Variants in MMRN1 observed in about 807,000 individuals in gnomAD.
MMRN1 encodes multimerin 1, also known as multimerin-1.
Under a neutral mutation model 100.7 loss-of-function variants are expected in MMRN1, and 94 were observed. The observed-to-expected ratio is 0.93, with a 90% CI of 0.79 to 1.11. The LOEUF is 1.11. Among genes scored for constraint, MMRN1 ranks in the 50% least tolerant of loss-of-function variants. The pLI, the probability that MMRN1 is intolerant of heterozygous loss-of-function variation, is 0.00. For synonymous variants in MMRN1, 575 were observed against 505.0 expected (o/e 1.14, Z -1.86); for missense variants, 1,606 against 1,439.1 (o/e 1.12, Z -1.88).
chr4:89,923,101 C>T, intron 3 of MMRN1, 67 bp from the exon 4 acceptor site: 2 of 1,268,376 alleles, frequency 1.6e-6, no homozygotes, highest in Non-Finnish European at 2.3e-6. Context: ...AATTATTGTT[C>T]AGGACTGGAA....
chr4:89,930,418 G>A (rs1403095046), intron 5 of MMRN1, among the ~76,000 whole-genome samples: 1 of 151,944 alleles, frequency 6.6e-6, no homozygotes, highest in East Asian at 1.9e-4. Context: ...TTTGTGCTGA[G>A]TTTTTGCTTA....
At chr4:89,897,108 T>C (rs1022135992) in intron 1 of MMRN1, among the ~76,000 whole-genome samples, 2 of 152,234 alleles carry the variant, frequency 1.3e-5, no homozygotes, top group African/African-American at 2.4e-5. Flanking sequence ...CTGTTAATCA[T>C]ATTTTATTAG....
At chr4:89,949,952 T>C (rs376234505) in intron 6 of MMRN1, among the ~76,000 whole-genome samples, 75 of 152,340 alleles carry the variant, frequency 4.9e-4, no homozygotes, top group African/African-American at 1.8e-3. Context: ...AATGAGTGGA[T>C]GGTAAACTAC....
intron 3 of MMRN1, among the ~76,000 whole-genome samples, chr4:89,922,685 T>A (rs763301173): frequency 1.8e-4 from 28 of 152,156 alleles, no homozygotes; most frequent in Non-Finnish European, 2.6e-4. Context: ...AACAATCCAT[T>A]TAAGTGGCAC....
intron 6 of MMRN1, among the ~76,000 whole-genome samples, chr4:89,939,657 C>A (rs1266859803): frequency 1.3e-5 from 2 of 152,162 alleles, no homozygotes; most frequent in African/African-American, 2.4e-5. Context: ...ACTCAGGGCT[C>A]AGTCCTCAAC....
chr4:89,938,669 T>C (rs375313422), intron 6 of MMRN1, among the ~76,000 whole-genome samples: 24 of 151,696 alleles, frequency 1.6e-4, no homozygotes, highest in Admixed American at 2.0e-4. Flanking sequence ...TAGATACTTA[T>C]TGTGATTGAC....
In MMRN1 at chr4:89,911,955, T is replaced by C. The variant is rs752474218; in HGVS notation, c.755T>C (p.Ile252Thr). 1.3e-6 allele frequency: 2 copies of C among 1,592,456 alleles called. No individual in the cohort carries two copies. Among genetic ancestry groups the C allele is most frequent in the Non-Finnish European group, 1.7e-6 (2 of 1,164,184 alleles). The change falls in exon 3 of 8, where the codon ATA (isoleucine) becomes ACA (threonine). Residue 252 changes from isoleucine to threonine, a missense_variant. Physicochemically the swap from Ile to Thr is moderately conservative, Grantham distance 89 (BLOSUM62 -1). Coordinates refer to ENST00000264790, the MANE Select transcript of MMRN1 (RefSeq NM_007351.3). ...GCTCAACTCTCTAGATCTCAGAAGA[T>C]ATCCAATCCTGTCTATAGGATGCAA... ...GGSCPQRSQK[I>T]SNPVYRMQHK...
Position 89,932,537 on chromosome 4 carries a change from C to T in MMRN1, c.1130-2273C>T, listed in dbSNP as rs143726132. Among the ~76,000 whole-genome samples the T allele has an allele frequency of 6.0e-3, 920 of 152,300 alleles. 6 individuals are homozygous for T. Among genetic ancestry groups the T allele is most frequent in the African/African-American group, 0.019 (797 of 41,568 alleles). The stretch of plus-strand genomic sequence containing the variant: ...GAGGTTCTCTATGAAGGCTGTGCCC[C>T]TGCCTGCACATCCATGTGTTTTCAT... On this transcript the variant is annotated intron_variant, in intron 5 of 7. Coordinates refer to ENST00000264790, the MANE Select transcript of MMRN1 (RefSeq NM_007351.3).
At chr4:89,950,125 G>A (rs1281121267) in intron 6 of MMRN1, among the ~76,000 whole-genome samples, 1 of 152,170 alleles carries the variant, frequency 6.6e-6, no homozygotes. Flanking sequence ...TGTAATGTGT[G>A]AGCTGTAACT....
Position 89,953,357 on chromosome 4 carries a change from C to A in MMRN1, c.3626C>A (p.Thr1209Lys). 4 of 1,613,300 alleles carry A rather than the reference C, an allele frequency of 2.5e-6. No individual in the cohort carries two copies. The highest frequency in any genetic ancestry group is 2.2e-5 in the East Asian group (1 of 44,842). Reference sequence around the variant, plus strand: ...GTCTGGTTACGACTTGCAAAAGGAACAATTCCAGCCAAGTTTCCCCCTGTT... The same window carrying A: ...GTCTGGTTACGACTTGCAAAAGGAAAAATTCCAGCCAAGTTTCCCCCTGTT... ...QEVWLRLAKG[T>K]IPAKFPPVTT... is the part of the protein sequence containing the mutation. Residue 1209 changes from threonine to lysine, a missense_variant, in exon 8 of 8, where the codon ACA becomes AAA. By Grantham distance (78) the Thr-to-Lys change is moderately conservative (BLOSUM62 -1). Coordinates refer to ENST00000264790, the MANE Select transcript of MMRN1 (RefSeq NM_007351.3).
At chr4:89,882,493 T>C (rs1052257715) in intron 1 of MMRN1, among the ~76,000 whole-genome samples, 13 of 151,894 alleles carry the variant, frequency 8.6e-5, no homozygotes, top group Non-Finnish European at 1.9e-4. Flanking sequence ...TTGAACACTT[T>C]TAACAGTGAA....
chr4:89,905,848 C>A (rs986478320), intron 1 of MMRN1, among the ~76,000 whole-genome samples: 2 of 151,440 alleles, frequency 1.3e-5, no homozygotes, highest in Non-Finnish European at 3.0e-5. Context: ...ATCCTCAGGA[C>A]TTGGTATTTT....
Position 89,935,584 on chromosome 4 carries a change from T to C in MMRN1, c.1904T>C (p.Met635Thr). 6.2e-7 allele frequency: 1 copy of C among 1,613,550 alleles called. No homozygotes were observed. Among genetic ancestry groups the C allele is most frequent in the Non-Finnish European group, 8.5e-7 (1 of 1,179,748 alleles). The change falls in exon 6 of 8, where the codon ATG becomes ACG. Residue 635 changes from methionine to threonine, a missense_variant. Met to Thr is a moderately conservative substitution (Grantham distance 81, BLOSUM62 -1). Coordinates refer to ENST00000264790, the MANE Select transcript of MMRN1 (RefSeq NM_007351.3). ...CCAATGGACAATAAGATGGACAAAA[T>C]GAGTGAGCAACTAAATGATTTGACT... ...LFPMDNKMDK[M>T]SEQLNDLTYD...
chr4:89,930,066 C>G (rs940352605), intron 5 of MMRN1, among the ~76,000 whole-genome samples: 2 of 152,056 alleles, frequency 1.3e-5, no homozygotes, highest in African/African-American at 2.4e-5. Flanking sequence ...TAATATGCTT[C>G]TAAGAAAGTG....
At chr4:89,885,223 A>C (rs963346277) in intron 1 of MMRN1, among the ~76,000 whole-genome samples, 3 of 148,178 alleles carry the variant, frequency 2.0e-5, no homozygotes, top group Non-Finnish European at 4.4e-5. Flanking sequence ...ATTCATTCTA[A>C]TATGGTGAAT....
Position 89,951,460 on chromosome 4 carries a change from G to C in MMRN1, c.3119-145G>C, listed in dbSNP as rs140349895. On this transcript the variant is annotated intron_variant, in intron 6 of 7. Transcript: ENST00000264790. ...GGATTTGCATGACGTCCTGTGCCCAGATCGACAGGCATCCTGGGCCGTGGA... is the reference window on the plus strand; with the variant it reads ...GGATTTGCATGACGTCCTGTGCCCACATCGACAGGCATCCTGGGCCGTGGA... 2.8e-3 allele frequency: 2,096 copies of C among 757,696 alleles called. 4 individuals carry two copies. The highest frequency in any genetic ancestry group is 6.2e-3 in the Admixed American group (166 of 26,890). 46.9% of individuals were successfully genotyped at this position (757,696 alleles called of 1,614,324 possible).
In MMRN1 at chr4:89,935,010, G is replaced by A; in HGVS notation, c.1330G>A (p.Val444Ile). ...TTCAATAGCAGCCCAGCAAAAGTTTGTTTTGGTGCAAGAGAATCGGCCCAC... is the reference window on the plus strand; with the variant it reads ...TTCAATAGCAGCCCAGCAAAAGTTTATTTTGGTGCAAGAGAATCGGCCCAC... The part of the protein sequence containing the change: ...VVSIAAQQKF[V>I]LVQENRPTLT... The change falls in exon 6 of 8, where the codon GTT (valine) becomes ATT (isoleucine). Residue 444 changes from valine (V) to isoleucine (I), a missense_variant. Transcript: ENST00000264790. 1 of 1,612,828 alleles carries A rather than the reference G, an allele frequency of 6.2e-7. No individual in the cohort carries two copies. The highest frequency in any genetic ancestry group is 8.5e-7 in the Non-Finnish European group (1 of 1,179,542).
At chr4:89,884,757 C>T (rs967390419) in intron 1 of MMRN1, among the ~76,000 whole-genome samples, 3 of 151,874 alleles carry the variant, frequency 2.0e-5, no homozygotes, top group South Asian at 2.1e-4. Context: ...CCACCACACC[C>T]GGCTTTAAAA....
intron 6 of MMRN1, among the ~76,000 whole-genome samples, chr4:89,950,822 G>A (rs1455407173): frequency 6.6e-6 from 1 of 152,054 alleles, no homozygotes; most frequent in Non-Finnish European, 1.5e-5. Flanking sequence ...GCCTCCTGAA[G>A]TGGTGGGGTT....
Sources: allele counts gnomAD v4.1 joint callset (sites outside exome capture counted in the v4.1 genomes callset), GRCh38; gene constraint gnomAD v4.1.1; transcripts MANE v1.5; gene names NCBI Gene and HGNC (gene_info 2026-07-23, HGNC 2026-07-21).